ZNF148: variants seen among roughly 807,000 people sequenced by gnomAD.
The protein encoded by ZNF148 is zinc finger protein 148.
In ZNF148, 7 loss-of-function variants were observed where a neutral mutation model predicts 67.7. That is an observed-to-expected ratio of 0.10 (90% CI 0.06 to 0.19). The LOEUF is 0.19. ZNF148 is among the 10% of genes least tolerant of loss of function. ZNF148 has a pLI of 1.00. For missense variants in ZNF148, 583 were observed against 947.1 expected (o/e 0.62, Z 5.05); for synonymous variants, 333 against 330.7 (o/e 1.01, Z -0.08).
chr3:125,298,881 C>G (rs1263784062), intron 4 of ZNF148, among the ~76,000 whole-genome samples: 2 of 152,076 alleles, frequency 1.3e-5, no homozygotes, highest in Non-Finnish European at 2.9e-5. Flanking sequence ...TCCGCCTCGG[C>G]CTCCCAAAGT....
At chr3:125,319,503 A>C (rs1197852699) in intron 3 of ZNF148, among the ~76,000 whole-genome samples, 6 of 152,224 alleles carry the variant, frequency 3.9e-5, no homozygotes, top group African/African-American at 1.4e-4. Flanking sequence ...TACAAGGGTC[A>C]ATTAAAAACT....
intron 1 of ZNF148, among the ~76,000 whole-genome samples, chr3:125,364,631 T>C (rs138556520): frequency 1.1e-4 from 13 of 119,628 alleles, no homozygotes; most frequent in African/African-American, 4.5e-4. Flanking sequence ...TACTCTGTTA[T>C]GACAAAAGTC....
Position 125,313,293 on chromosome 3 carries a change from A to G in ZNF148, c.333+15T>C, listed in dbSNP as rs776244320. 2 of 1,581,554 alleles carry G rather than the reference A, an allele frequency of 1.3e-6. No homozygotes were observed. Among genetic ancestry groups the G allele is most frequent in the East Asian group, 2.3e-5 (1 of 44,430 alleles). ...TATGTTTCTAAGTTTAATATCTTAT[A>G]AAGGAATTACTTACAGGGACATTAA... On this transcript the variant is annotated intron_variant, in intron 4 of 8. Coordinates refer to ENST00000360647, the MANE Select transcript of ZNF148 (RefSeq NM_021964.3).
intron 1 of ZNF148, among the ~76,000 whole-genome samples, chr3:125,331,511 G>T (rs1941291197): frequency 6.6e-6 from 1 of 152,114 alleles, no homozygotes; most frequent in Admixed American, 6.5e-5. Context: ...AGATTTCTTT[G>T]AAGTCAGGAC....
At chr3:125,348,137 T>C (rs993952897) in intron 1 of ZNF148, among the ~76,000 whole-genome samples, 1 of 151,366 alleles carries the variant, frequency 6.6e-6, no homozygotes, top group Admixed American at 6.6e-5. Flanking sequence ...GCATGTGCCA[T>C]AGTCCCAGCT....
At chr3:125,358,086 C>T (rs1279091317) in intron 1 of ZNF148, among the ~76,000 whole-genome samples, 6 of 152,054 alleles carry the variant, frequency 3.9e-5, no homozygotes, top group South Asian at 2.1e-4. Context: ...CTGAGGCGAG[C>T]GGATCACGTG....
intron 7 of ZNF148, among the ~76,000 whole-genome samples, chr3:125,254,501 G>A (rs181574607): frequency 6.6e-6 from 1 of 152,242 alleles, no homozygotes; most frequent in East Asian, 1.9e-4. Flanking sequence ...ATGTGAATCT[G>A]TCTACTTCAT....
At chr3:125,267,202 A>C (rs1560126485) in intron 7 of ZNF148, among the ~76,000 whole-genome samples, 1 of 152,072 alleles carries the variant, frequency 6.6e-6, no homozygotes, top group Non-Finnish European at 1.5e-5. Context: ...TTCCTCCCTA[A>C]CTCATTCTAC....
intron 4 of ZNF148, among the ~76,000 whole-genome samples, chr3:125,301,394 TGAGCTAAA>T (rs1406785310): frequency 6.6e-6 from 1 of 152,044 alleles, no homozygotes; most frequent in Admixed American, 6.5e-5. Context: ...ATAGTGCCAT[TGAGCTAAA>T]TCTGAGTGAC....
Position 125,345,628 on chromosome 3 carries a change from A to T in ZNF148, c.-233-14390T>A, listed in dbSNP as rs116006231. Among the ~76,000 whole-genome samples, 870 of 152,216 alleles carry T rather than the reference A, an allele frequency of 5.7e-3. 8 individuals carry two copies. The highest frequency in any genetic ancestry group is 0.02 in the African/African-American group (840 of 41,550). On this transcript the variant is annotated intron_variant, in intron 1 of 8. Transcript: ENST00000360647. ...AAAAGACAAACAGAAGACACAAAAC[A>T]TCAGGTATGAAACAGAACATCAGTA...
At chr3:125,241,911 G>T (rs1242063039) in intron 7 of ZNF148, among the ~76,000 whole-genome samples, 1 of 152,160 alleles carries the variant, frequency 6.6e-6, no homozygotes. Context: ...AACTCACTAT[G>T]TTGTCAAACT....
In ZNF148 at chr3:125,279,206, G is replaced by A. The variant is rs759734112; in HGVS notation, c.501C>T (p.Thr167=). ...AGTGCTCACAAACGTGAGATTTAGG[G>A]GTTTTCAAACCAAGTGATCCATCCT... ...INEDGSLGLK[T]PKSHVCEHCN... is the part of the protein sequence containing the mutation. Residue 167 remains threonine, a synonymous_variant, in exon 6 of 9, where the codon ACC becomes ACT. Transcript: ENST00000360647. The A allele has an allele frequency of 1.1e-5, 18 of 1,600,332 alleles. No homozygotes were observed. The highest frequency in any genetic ancestry group is 1.4e-5 in the Non-Finnish European group (16 of 1,173,576).
chr3:125,254,595 T>C (rs1936988381), intron 7 of ZNF148, among the ~76,000 whole-genome samples: 1 of 152,380 alleles, frequency 6.6e-6, no homozygotes, highest in East Asian at 1.9e-4. Flanking sequence ...TTTATCATTA[T>C]TAAATGTTTC....
At chr3:125,303,488 T>G (rs1016495769) in intron 4 of ZNF148, among the ~76,000 whole-genome samples, 5 of 152,216 alleles carry the variant, frequency 3.3e-5, no homozygotes, top group African/African-American at 1.2e-4. Flanking sequence ...TGCCTCCTGT[T>G]AGGTCACCGA....
chr3:125,310,186 T>A (rs1238895667), intron 4 of ZNF148, among the ~76,000 whole-genome samples: 1 of 151,852 alleles, frequency 6.6e-6, no homozygotes, highest in Non-Finnish European at 1.5e-5. Context: ...TTCAAGTGAT[T>A]CTTATGCCTC....
chr3:125,260,879 G>C (rs1188169560), intron 7 of ZNF148, among the ~76,000 whole-genome samples: 1 of 152,042 alleles, frequency 6.6e-6, no homozygotes, highest in Non-Finnish European at 1.5e-5. Flanking sequence ...GAGCTTTTTT[G>C]CAAAATAAAA....
chr3:125,349,822 C>G (rs1432014137), intron 1 of ZNF148, among the ~76,000 whole-genome samples: 3 of 152,188 alleles, frequency 2.0e-5, no homozygotes, highest in Admixed American at 6.5e-5. Context: ...GCTCAGATGA[C>G]AGAGCCAGAC....
At chr3:125,310,268 T>C (rs920053439) in intron 4 of ZNF148, among the ~76,000 whole-genome samples, 5 of 151,892 alleles carry the variant, frequency 3.3e-5, no homozygotes, top group African/African-American at 1.2e-4. Flanking sequence ...TTAGTAGAGA[T>C]GGGGTTTTGT....
At chr3:125,234,401 C>G in intron 7 of ZNF148, 72 bp from the exon 8 acceptor site, 1 of 1,075,978 alleles carries the variant, frequency 9.3e-7, no homozygotes, top group Non-Finnish European at 1.4e-6. Context: ...CCATAAGAAT[C>G]TCTAAAATAA....
Sources: gnomAD v4.1 joint callset for allele counts (sites outside exome capture counted in the v4.1 genomes callset) on GRCh38, gnomAD v4.1.1 for gene constraint, MANE v1.5 for transcripts, NCBI Gene and HGNC (gene_info 2026-07-23, HGNC 2026-07-21) for gene names.